Variants in RASGRF2 observed in about 807,000 individuals in gnomAD.
The protein encoded by RASGRF2 is Ras protein specific guanine nucleotide releasing factor 2.
Under a neutral mutation model 151.0 loss-of-function variants are expected in RASGRF2, and 76 were observed. The ratio of observed to expected loss-of-function variants is 0.50; its 90% CI spans 0.42 to 0.61. The LOEUF is 0.61. Among genes scored for constraint, RASGRF2 ranks in the 20% least tolerant of loss-of-function variants. RASGRF2 has a pLI of 0.00. For synonymous variants in RASGRF2, 504 were observed against 566.5 expected (o/e 0.89, Z 1.57); for missense variants, 1,148 against 1,564.6 (o/e 0.73, Z 4.49).
At position 81,219,797 on chromosome 5, in the gene RASGRF2, G is replaced by A. The variant is rs771740693; in HGVS notation, c.3621+19G>A. ...GCCAAAGGTAATATTATGTGGCTGT[G>A]AAGAAATTAATAAAGAAAAAAGGGG... On this transcript the variant is annotated intron_variant, in intron 26 of 26. Transcript: ENST00000265080. 2.6e-6 allele frequency: 4 copies of A among 1,561,322 alleles called. No individual in the cohort carries two copies. The Admixed American group carries it at 5.3e-5, about 21-fold the overall frequency.
At chr5:81,215,267 C>CT (rs772223510) in intron 23 of RASGRF2, among the ~76,000 whole-genome samples, 4,208 of 119,790 alleles carry the variant, frequency 0.035, 194 homozygotes, top group East Asian at 0.13. Context: ...AATATAGAAT[C>CT]TTTTTTTTTT....
Position 81,068,130 on chromosome 5 carries a change from G to C in RASGRF2, c.494G>C (p.Arg165Pro). The C allele has an allele frequency of 6.2e-7, 1 of 1,613,378 alleles. No individual in the cohort carries two copies. Among genetic ancestry groups the C allele is most frequent in the Non-Finnish European group, 8.5e-7 (1 of 1,179,608 alleles). Reference protein sequence around the residue: ...ETEKIAANQLRHQLEDQDTEI... With the variant: ...ETEKIAANQLPHQLEDQDTEI... ...GAAAAAATTGCAGCTAACCAACTCC[G>C]ACATCAACTTGAAGATCAAGACACA... is the stretch of plus-strand genomic sequence containing the variant. The change falls in exon 3 of 27, where the codon CGA becomes CCA. Residue 165 changes from arginine (R) to proline (P), a missense_variant. By Grantham distance (103) the Arg-to-Pro change is moderately radical. Coordinates refer to ENST00000265080, the MANE Select transcript of RASGRF2 (RefSeq NM_006909.3).
intron 2 of RASGRF2, among the ~76,000 whole-genome samples, 161 bp from the exon 3 acceptor site, chr5:81,067,871 G>A (rs556646499): frequency 2.0e-5 from 3 of 152,290 alleles, no homozygotes; most frequent in Admixed American, 6.5e-5. Flanking sequence ...ATCGTCGAAG[G>A]ATACCAAATG....
chr5:81,049,667 C>T (rs535386474), intron 2 of RASGRF2, among the ~76,000 whole-genome samples: 7 of 151,798 alleles, frequency 4.6e-5, no homozygotes, highest in Non-Finnish European at 8.8e-5. Flanking sequence ...TCAATACTTT[C>T]TCTGCTAAAT....
intron 17 of RASGRF2, among the ~76,000 whole-genome samples, chr5:81,139,864 C>T (rs1316594847): frequency 6.6e-6 from 1 of 152,074 alleles, no homozygotes; most frequent in Admixed American, 6.6e-5. Flanking sequence ...GCTCTGTCAC[C>T]CAGGCTGTCA....
At chr5:81,095,464 G>A (rs77386694) in intron 12 of RASGRF2, among the ~76,000 whole-genome samples, 3,097 of 147,486 alleles carry the variant, frequency 0.021, 97 homozygotes, top group African/African-American at 0.074. Flanking sequence ...CCTGTATTTC[G>A]TATATTAAAA....
chr5:81,129,895 A>C (rs1465008255), intron 17 of RASGRF2, among the ~76,000 whole-genome samples: 1 of 152,190 alleles, frequency 6.6e-6, no homozygotes, highest in Non-Finnish European at 1.5e-5. Flanking sequence ...AGATGAGCCC[A>C]TTCCCCATTT....
intron 15 of RASGRF2, among the ~76,000 whole-genome samples, chr5:81,122,830 C>G (rs1264388195): frequency 6.6e-6 from 1 of 152,126 alleles, no homozygotes; most frequent in Admixed American, 6.5e-5. Flanking sequence ...TTAGTAATGG[C>G]CTAAGGGTGA....
At position 81,189,743 on chromosome 5, in the gene RASGRF2, C is replaced by T. The variant is rs182072677; in HGVS notation, c.2793+9462C>T. On this transcript the variant is annotated intron_variant, in intron 18 of 26. Transcript: ENST00000265080. ...TTTTTTTTTTTCAGAGACAGAGTCT[C>T]GCTCTGTCTCCATGCTGGAGTTCAG... is the stretch of plus-strand genomic sequence containing the variant. 1.9e-4 allele frequency among the ~76,000 whole-genome samples: 27 copies of T among 139,612 alleles called. No homozygotes were observed. The East Asian group carries it at 4.6e-3, about 24-fold the overall frequency. 91.6% of individuals were successfully genotyped at this position (139,612 alleles called of 152,430 possible). A position where few individuals can be genotyped will look rare whatever the true frequency, so the allele number is the denominator to read the frequency against.
At chr5:81,199,594 G>GA (rs1291535730) in intron 18 of RASGRF2, among the ~76,000 whole-genome samples, 7 of 152,080 alleles carry the variant, frequency 4.6e-5, no homozygotes, top group Non-Finnish European at 8.8e-5. Context: ...TGCTTTGGTT[G>GA]AAAATGGTGA....
Position 81,225,820 on chromosome 5 carries a change from A to C in RASGRF2, c.*50A>C. The C allele has an allele frequency of 1.9e-6, 3 of 1,590,588 alleles. No individual in the cohort carries two copies. The highest frequency in any genetic ancestry group is 2.6e-6 in the Non-Finnish European group (3 of 1,170,296). ...ACGGGATGTTCATGGAAAGCAGGAC[A>C]GACAGAATTGTGTATGCCTTGCCTA... On this transcript the variant is annotated 3_prime_UTR_variant, in exon 27 of 27. Coordinates refer to ENST00000265080, the MANE Select transcript of RASGRF2 (RefSeq NM_006909.3).
intron 1 of RASGRF2, among the ~76,000 whole-genome samples, chr5:80,973,357 T>C (rs1172317130): frequency 1.3e-5 from 2 of 152,182 alleles, no homozygotes; most frequent in African/African-American, 2.4e-5. Context: ...CTCATCCTCC[T>C]GTGATCTGAG....
At chr5:80,998,565 C>T (rs1472595450) in intron 1 of RASGRF2, among the ~76,000 whole-genome samples, 2 of 152,240 alleles carry the variant, frequency 1.3e-5, no homozygotes, top group Non-Finnish European at 1.5e-5. Flanking sequence ...AGTGTGCTCA[C>T]TGCATCATGC....
At chr5:81,123,598 G>A (rs1394379850) in intron 15 of RASGRF2, 44 bp from the exon 16 acceptor site, 3 of 1,593,374 alleles carry the variant, frequency 1.9e-6, no homozygotes. Context: ...AGAAGCTCTT[G>A]AATTCATGGC....
intron 24 of RASGRF2, 49 bp from the exon 25 acceptor site, chr5:81,217,307 T>C: frequency 1.3e-6 from 2 of 1,549,244 alleles, no homozygotes; most frequent in African/African-American, 1.4e-5. Flanking sequence ...GGGAGGGAAA[T>C]AGACATTTAT....
chr5:81,043,551 A>G (rs1750744398), intron 2 of RASGRF2, among the ~76,000 whole-genome samples: 2 of 152,214 alleles, frequency 1.3e-5, no homozygotes, highest in Admixed American at 1.3e-4. Context: ...GAAGGTGGAA[A>G]TGTGTGTACA....
chr5:80,974,617 A>G (rs765668841), intron 1 of RASGRF2, among the ~76,000 whole-genome samples: 6 of 152,232 alleles, frequency 3.9e-5, no homozygotes, highest in Non-Finnish European at 5.9e-5. Flanking sequence ...CCGCCAGACC[A>G]GCTCTATTCT....
chr5:81,010,591 C>T (rs910460028), intron 1 of RASGRF2, among the ~76,000 whole-genome samples: 1 of 152,158 alleles, frequency 6.6e-6, no homozygotes, highest in Non-Finnish European at 1.5e-5. Context: ...TTTTCTTTTC[C>T]AGCACCGAAG....
At chr5:81,007,595 A>G (rs1242744561) in intron 1 of RASGRF2, among the ~76,000 whole-genome samples, 3 of 152,080 alleles carry the variant, frequency 2.0e-5, no homozygotes, top group Admixed American at 2.0e-4. Context: ...TTTTTCCATT[A>G]AGAAAAATTC....
Sources: gnomAD v4.1 joint callset for allele counts (sites outside exome capture counted in the v4.1 genomes callset) on GRCh38, gnomAD v4.1.1 for gene constraint, MANE v1.5 for transcripts, NCBI Gene and HGNC (gene_info 2026-07-23, HGNC 2026-07-21) for gene names.